The following RBMS3 variants were observed in gnomAD, a reference collection of about 807,000 sequenced individuals.
RBMS3 encodes the protein RNA binding motif single stranded interacting protein 3, also known as RNA-binding motif, single-stranded-interacting protein 3.
In RBMS3, 27 loss-of-function variants were observed where a neutral mutation model predicts 66.8. The ratio of observed to expected loss-of-function variants is 0.40; its 90% CI spans 0.30 to 0.56. The LOEUF (loss-of-function observed/expected upper bound fraction) is 0.56. Ranked by LOEUF, RBMS3 falls within the 20% of genes least tolerant of loss-of-function variation. RBMS3 has a pLI of 0.40. For missense variants in RBMS3, 513 were observed against 549.5 expected (o/e 0.93, Z 0.66); for synonymous variants, 188 against 183.0 (o/e 1.03, Z -0.22).
chr3:29,637,941 A>G (rs1236276123), intron 4 of RBMS3, among the ~76,000 whole-genome samples: 1 of 151,956 alleles, frequency 6.6e-6, no homozygotes, highest in Non-Finnish European at 1.5e-5. Context: ...CCTCTTTGCC[A>G]ATGCAAAACA....
chr3:29,456,387 C>T (rs2042191629), intron 2 of RBMS3, among the ~76,000 whole-genome samples: 1 of 152,074 alleles, frequency 6.6e-6, no homozygotes, highest in South Asian at 2.1e-4. Flanking sequence ...TGCATAAAGG[C>T]ACATCACGAG....
At chr3:29,928,211 T>TATATATATATAC (rs1291440563) in intron 10 of RBMS3, among the ~76,000 whole-genome samples, 153 of 93,472 alleles carry the variant, frequency 1.6e-3, no homozygotes, top group East Asian at 4.9e-3. Context: ...TATATATATA[T>TATATATATATAC]ACACACACAC....
chr3:29,451,440 G>A (rs1413509119), intron 2 of RBMS3, among the ~76,000 whole-genome samples: 1 of 152,138 alleles, frequency 6.6e-6, no homozygotes, highest in African/African-American at 2.4e-5. Flanking sequence ...AAAATTTGGG[G>A]ACATCAGGAA....
chr3:29,492,502 T>A (rs1483045262), intron 3 of RBMS3, among the ~76,000 whole-genome samples: 2 of 152,224 alleles, frequency 1.3e-5, no homozygotes, highest in Non-Finnish European at 2.9e-5. Context: ...ACAGGAGTTG[T>A]ATTAGAAAAA....
chr3:29,998,599 A>C (rs573822218), intron 14 of RBMS3, among the ~76,000 whole-genome samples: 205 of 152,338 alleles, frequency 1.3e-3, no homozygotes, highest in Admixed American at 3.1e-3. Context: ...CAGAGCCCTC[A>C]GAAATAATGC....
intron 1 of RBMS3, among the ~76,000 whole-genome samples, chr3:29,422,841 ATTGTCTTC>A (rs1158323054): frequency 6.6e-6 from 1 of 152,052 alleles, no homozygotes; most frequent in African/African-American, 2.4e-5. Flanking sequence ...GTGCTCTAAC[ATTGTCTTC>A]TTGAGGAAAT....
At chr3:29,507,149 T>G (rs981108313) in intron 3 of RBMS3, among the ~76,000 whole-genome samples, 29 of 151,958 alleles carry the variant, frequency 1.9e-4, no homozygotes, top group Middle Eastern at 3.4e-3. Flanking sequence ...TCTGATTCCT[T>G]GAAGTTTAAC....
At chr3:29,702,173 G>A (rs2052631827) in intron 4 of RBMS3, among the ~76,000 whole-genome samples, 1 of 151,722 alleles carries the variant, frequency 6.6e-6, no homozygotes, top group Non-Finnish European at 1.5e-5. Context: ...CTAATCTAGT[G>A]GGACTTGGAG....
At chr3:29,636,038 ATGTG>A (rs10565409) in intron 4 of RBMS3, among the ~76,000 whole-genome samples, 5,225 of 144,512 alleles carry the variant, frequency 0.036, 93 homozygotes, top group South Asian at 0.046. Flanking sequence ...GTCATCAAGA[ATGTG>A]TGTGTGTGTG....
At chr3:29,921,004 A>G (rs1275343380) in intron 10 of RBMS3, among the ~76,000 whole-genome samples, 1 of 152,078 alleles carries the variant, frequency 6.6e-6, no homozygotes, top group Admixed American at 6.5e-5. Flanking sequence ...GGATATTAAT[A>G]TTTGTTGGGT....
intron 1 of RBMS3, among the ~76,000 whole-genome samples, chr3:29,326,733 CT>C (rs56162153): frequency 0.045 from 5,979 of 133,646 alleles, 146 homozygotes; most frequent in South Asian, 0.077. Flanking sequence ...TACTGGCATC[CT>C]TTTTTTTTTT....
At chr3:29,641,729 G>A (rs542795160) in intron 4 of RBMS3, among the ~76,000 whole-genome samples, 1 of 151,846 alleles carries the variant, frequency 6.6e-6, no homozygotes, top group African/African-American at 2.4e-5. Flanking sequence ...TTCTTTAATT[G>A]TCATATTCAC....
chr3:29,805,722 GTGTT>G (rs1247206542), intron 6 of RBMS3, among the ~76,000 whole-genome samples: 1 of 152,036 alleles, frequency 6.6e-6, no homozygotes, highest in East Asian at 1.9e-4. Flanking sequence ...GCTGTACAAT[GTGTT>G]TGTGTTTTAA....
chr3:29,282,191 G>A (rs952663361), intron 1 of RBMS3, among the ~76,000 whole-genome samples: 1 of 152,062 alleles, frequency 6.6e-6, no homozygotes, highest in African/African-American at 2.4e-5. Context: ...TGCAACGGTG[G>A]GGGTAACTCA....
chr3:29,711,777 G>T (rs886703058), intron 4 of RBMS3, among the ~76,000 whole-genome samples: 1 of 152,152 alleles, frequency 6.6e-6, no homozygotes, highest in African/African-American at 2.4e-5. Flanking sequence ...TTATAATGAG[G>T]ATTAGCTATT....
At chr3:29,777,264 T>G (rs2056459476) in intron 6 of RBMS3, among the ~76,000 whole-genome samples, 1 of 151,966 alleles carries the variant, frequency 6.6e-6, no homozygotes, top group Non-Finnish European at 1.5e-5. Context: ...GTAGCCTCAT[T>G]TAACAACTGT....
chr3:29,504,592 C>T (rs979430450), intron 3 of RBMS3, among the ~76,000 whole-genome samples: 1 of 151,670 alleles, frequency 6.6e-6, no homozygotes, highest in Non-Finnish European at 1.5e-5. Flanking sequence ...GATTCTATTC[C>T]CTTCAGATGT....
chr3:29,608,762 C>T (rs185448260), intron 4 of RBMS3, among the ~76,000 whole-genome samples: 2 of 152,076 alleles, frequency 1.3e-5, no homozygotes, highest in East Asian at 3.9e-4. Context: ...ACTAGAATAG[C>T]TGAGAGGGCA....
At chr3:29,343,126 T>C (rs568295459) in intron 1 of RBMS3, among the ~76,000 whole-genome samples, 27 of 152,144 alleles carry the variant, frequency 1.8e-4, no homozygotes, top group South Asian at 6.2e-4. Flanking sequence ...ATATTGTTGA[T>C]CTAATGTAGT....
Sources: gnomAD v4.1 joint callset for allele counts (sites outside exome capture counted in the v4.1 genomes callset) on GRCh38, gnomAD v4.1.1 for gene constraint, MANE v1.5 for transcripts, NCBI Gene and HGNC (gene_info 2026-07-23, HGNC 2026-07-21) for gene names.